Variants in MGAT5 observed in about 807,000 individuals in gnomAD.
The protein encoded by MGAT5 is alpha-1,6-mannosylglycoprotein 6-beta-N-acetylglucosaminyltransferase A.
Under a neutral mutation model 94.3 loss-of-function variants are expected in MGAT5, and 30 were observed. That is an observed-to-expected ratio of 0.32 (90% CI 0.24 to 0.43). The LOEUF (loss-of-function observed/expected upper bound fraction) is 0.43. MGAT5 is among the 20% of genes least tolerant of loss of function. MGAT5 has a pLI of 1.00. For missense variants in MGAT5, 691 were observed against 905.5 expected, an observed-to-expected ratio of 0.76 and a Z score of 3.04; for synonymous variants, 310 against 322.9, an observed-to-expected ratio of 0.96 and a Z score of 0.43.
At chr2:134,413,075 T>C in intron 12 of MGAT5, 60 bp downstream of exon 12, 6 of 1,582,904 alleles carry the variant, frequency 3.8e-6, no homozygotes, top group Non-Finnish European at 5.2e-6. Flanking sequence ...ATTTATTGAG[T>C]GCTCATGTAG....
intron 12 of MGAT5, among the ~76,000 whole-genome samples, chr2:134,419,708 A>G (rs1295859799): frequency 1.3e-5 from 2 of 152,202 alleles, no homozygotes; most frequent in Admixed American, 6.5e-5. Context: ...TGCCTCACTC[A>G]TAAAGCTAAG....
chr2:134,356,006 T>C (rs1679709541), intron 9 of MGAT5, among the ~76,000 whole-genome samples: 2 of 152,270 alleles, frequency 1.3e-5, no homozygotes, highest in Admixed American at 6.5e-5. Context: ...GAGCATTTAC[T>C]ACATTGCCTG....
At chr2:134,326,834 G>A (rs1437659307) in intron 4 of MGAT5, among the ~76,000 whole-genome samples, 3 of 152,134 alleles carry the variant, frequency 2.0e-5, no homozygotes, top group African/African-American at 7.2e-5. Context: ...CTGAGAAGGT[G>A]AGAAAATGAT....
At chr2:134,257,187 A>T (rs997455122) in intron 1 of MGAT5, among the ~76,000 whole-genome samples, 3 of 152,168 alleles carry the variant, frequency 2.0e-5, no homozygotes, top group Non-Finnish European at 4.4e-5. Flanking sequence ...GCTATCTGAC[A>T]TCATCTTTTT....
intron 7 of MGAT5, among the ~76,000 whole-genome samples, chr2:134,343,698 G>C (rs959497008): frequency 9.9e-5 from 15 of 152,092 alleles, no homozygotes; most frequent in African/African-American, 3.4e-4. Context: ...AGACAAGTTT[G>C]GGAAACACTG....
intron 9 of MGAT5, among the ~76,000 whole-genome samples, chr2:134,356,786 C>T (rs1267917667): frequency 1.3e-5 from 2 of 152,150 alleles, no homozygotes; most frequent in Non-Finnish European, 2.9e-5. Context: ...AGGACCTTTG[C>T]ATTGGTTGTC....
At chr2:134,264,343 A>T (rs1683559460) in intron 1 of MGAT5, among the ~76,000 whole-genome samples, 1 of 152,078 alleles carries the variant, frequency 6.6e-6, no homozygotes, top group Non-Finnish European at 1.5e-5. Context: ...ATTTTTGATG[A>T]CTGTATACTT....
intron 10 of MGAT5, among the ~76,000 whole-genome samples, chr2:134,390,298 CTCCAATCAAATCAAACACCA>C (rs1407812043): frequency 6.6e-6 from 1 of 152,194 alleles, no homozygotes; most frequent in Non-Finnish European, 1.5e-5. Flanking sequence ...AACAGCTACC[CTCCAATCAAATCAAACACCA>C]AAAACAAAAT....
intron 4 of MGAT5, among the ~76,000 whole-genome samples, chr2:134,323,115 A>G (rs1217130054): frequency 6.6e-6 from 1 of 152,126 alleles, no homozygotes; most frequent in Non-Finnish European, 1.5e-5. Flanking sequence ...GGGATTAGAA[A>G]CTTCTGTTAG....
chr2:134,446,901 G>T (rs1685814336), intron 15 of MGAT5, among the ~76,000 whole-genome samples: 1 of 152,224 alleles, frequency 6.6e-6, no homozygotes, highest in African/African-American at 2.4e-5. Flanking sequence ...AACTGAGCAG[G>T]AGCCAGGCTG....
chr2:134,318,158 A>G (rs563483462), intron 3 of MGAT5, among the ~76,000 whole-genome samples: 118 of 152,250 alleles, frequency 7.8e-4, no homozygotes, highest in African/African-American at 2.7e-3. Context: ...AACAGTGTCC[A>G]TTCAGGGATG....
intron 10 of MGAT5, among the ~76,000 whole-genome samples, chr2:134,393,356 C>G (rs139447790): frequency 6.6e-6 from 1 of 152,134 alleles, no homozygotes; most frequent in Non-Finnish European, 1.5e-5. Context: ...ACCAATTCTC[C>G]CCTGTCTCCA....
At chr2:134,404,240 C>T (rs1683217996) in intron 11 of MGAT5, among the ~76,000 whole-genome samples, 1 of 152,180 alleles carries the variant, frequency 6.6e-6, no homozygotes, top group Admixed American at 6.5e-5. Context: ...TCTCAGCTCT[C>T]ATCTCTGGCT....
Position 134,412,766 on chromosome 2 carries a change from C to G in MGAT5, c.1531-103C>G, listed in dbSNP as rs887367213. ...AGCCTTCCAAAGTGAGGTGTCCACA[C>G]GGGAATGGGCCACAGAATCGCCGCC... On this transcript the variant is annotated intron_variant, in intron 11 of 15. Transcript: ENST00000281923. 8 of 1,440,926 alleles carry G rather than the reference C, an allele frequency of 5.6e-6. No individual in the cohort carries two copies. The Admixed American group carries it at 1.3e-4, about 24-fold the overall frequency. The allele number at this position is 1,440,926 out of a possible 1,614,324, so 89.3% of individuals were successfully genotyped here. A position where few individuals can be genotyped will look rare whatever the true frequency, so the allele number is the denominator to read the frequency against.
chr2:134,147,042 A>G (rs940612869), intron 1 of MGAT5, among the ~76,000 whole-genome samples: 2 of 152,190 alleles, frequency 1.3e-5, no homozygotes, highest in Non-Finnish European at 2.9e-5. Context: ...TTAATTTATA[A>G]CTGGAATTTC....
chr2:134,136,059 G>T (rs1371750025), intron 1 of MGAT5, among the ~76,000 whole-genome samples: 1 of 152,140 alleles, frequency 6.6e-6, no homozygotes, highest in Non-Finnish European at 1.5e-5. Flanking sequence ...TGGAAGGTTG[G>T]ACATAAGTCA....
intron 15 of MGAT5, among the ~76,000 whole-genome samples, chr2:134,443,947 A>G (rs1229833697): frequency 2.0e-5 from 3 of 152,154 alleles, no homozygotes; most frequent in Non-Finnish European, 4.4e-5. Context: ...GCCAGGCAGG[A>G]GTCAGTGCTC....
intron 10 of MGAT5, among the ~76,000 whole-genome samples, chr2:134,389,021 A>T (rs1573991835): frequency 6.6e-6 from 1 of 152,088 alleles, no homozygotes; most frequent in Non-Finnish European, 1.5e-5. Flanking sequence ...TCGGCCTCCC[A>T]AAGTGCTGGG....
At chr2:134,231,637 C>T (rs553292894) in intron 1 of MGAT5, among the ~76,000 whole-genome samples, 33 of 152,280 alleles carry the variant, frequency 2.2e-4, no homozygotes, top group Non-Finnish European at 3.5e-4. Flanking sequence ...GGATGATTTC[C>T]CTCATTCACC....
Sources: allele counts gnomAD v4.1 joint callset (sites outside exome capture counted in the v4.1 genomes callset), GRCh38; gene constraint gnomAD v4.1.1; transcripts MANE v1.5; gene names NCBI Gene and HGNC (gene_info 2026-07-23, HGNC 2026-07-21).